Variants in PTPN13 observed in about 807,000 individuals in gnomAD.
PTPN13 encodes the protein protein tyrosine phosphatase non-receptor type 13.
A neutral mutation model predicts 284.0 loss-of-function variants in PTPN13; 191 were observed. The observed-to-expected ratio is 0.67, with a 90% CI of 0.60 to 0.76. PTPN13 has a LOEUF of 0.76. Among genes scored for constraint, PTPN13 ranks in the 30% least tolerant of loss-of-function variants. PTPN13 has a pLI of 0.00. For synonymous variants in PTPN13, 986 were observed against 1,022.3 expected, an observed-to-expected ratio of 0.96 and a Z score of 0.68; for missense variants, 2,797 against 2,939.9, an observed-to-expected ratio of 0.95 and a Z score of 1.12.
intron 7 of PTPN13, among the ~76,000 whole-genome samples, chr4:86,711,967 C>A (rs1003356728): frequency 5.3e-5 from 8 of 152,196 alleles, no homozygotes; most frequent in Admixed American, 3.3e-4. Flanking sequence ...TATGTAGAAG[C>A]ATCTTTTTGG....
intron 44 of PTPN13, among the ~76,000 whole-genome samples, chr4:86,805,966 G>C (rs537747831): frequency 2.0e-5 from 3 of 152,026 alleles, no homozygotes; most frequent in Admixed American, 2.0e-4. Flanking sequence ...GACTAGCCTG[G>C]CCAACATGGT....
At chr4:86,727,707 C>T (rs1432791900) in intron 10 of PTPN13, among the ~76,000 whole-genome samples, 13 of 148,898 alleles carry the variant, frequency 8.7e-5, no homozygotes, top group African/African-American at 2.2e-4. Flanking sequence ...TCTCTCTTTT[C>T]TTCTTTATTA....
At chr4:86,629,675 C>A (rs1367865162) in intron 1 of PTPN13, among the ~76,000 whole-genome samples, 1 of 152,054 alleles carries the variant, frequency 6.6e-6, no homozygotes, top group East Asian at 1.9e-4. Context: ...TTTTTAATGG[C>A]CTTCAAGACC....
intron 47 of PTPN13, among the ~76,000 whole-genome samples, chr4:86,811,785 C>G (rs1262867807): frequency 6.6e-6 from 1 of 152,212 alleles, no homozygotes; most frequent in Admixed American, 6.5e-5. Flanking sequence ...TAACATTTCT[C>G]TACCTCTTGA....
At chr4:86,784,357 A>G (rs1203091012) in intron 37 of PTPN13, 108 bp from the exon 38 acceptor site, 1 of 700,082 alleles carries the variant, frequency 1.4e-6, no homozygotes. Context: ...GAGAGATGTA[A>G]AATGGATCTT....
chr4:86,745,021 C>T lies in PTPN13; in HGVS notation c.2543C>T (p.Thr848Ile), dbSNP rs760031026. 2.3e-5 allele frequency: 37 copies of T among 1,604,438 alleles called. No homozygotes were observed. The Admixed American group carries it at 6.3e-4, about 27-fold the overall frequency. Residue 848 changes from threonine (T) to isoleucine (I), a missense_variant, in exon 17 of 48, where the codon ACA becomes ATA. By Grantham distance (89) the Thr-to-Ile change is moderately conservative. Coordinates refer to ENST00000411767, the MANE Select transcript of PTPN13 (RefSeq NM_080683.3). ...TSDGIKHGFQ[T>I]DNSKICQYLL... ...GATGGAATAAAACATGGCTTCCAGA[C>T]AGACAACAGTAAGATATGCCAGTAC...
At chr4:86,780,289 C>T in intron 35 of PTPN13, 113 bp from the exon 36 acceptor site, 2 of 827,918 alleles carry the variant, frequency 2.4e-6, no homozygotes, top group Non-Finnish European at 2.0e-6. Flanking sequence ...GGTCCCAGCT[C>T]CTTGGGAGGC....
chr4:86,781,221 C>T (rs1192217475), intron 36 of PTPN13, among the ~76,000 whole-genome samples: 1 of 152,064 alleles, frequency 6.6e-6, no homozygotes, highest in Non-Finnish European at 1.5e-5. Flanking sequence ...CAGGGTCATT[C>T]CCAAATAGAG....
chr4:86,740,010 C>T (rs995671939), intron 15 of PTPN13, among the ~76,000 whole-genome samples: 1 of 152,232 alleles, frequency 6.6e-6, no homozygotes, highest in African/African-American at 2.4e-5. Flanking sequence ...AGGTCTTGGG[C>T]AGCTCTGCCC....
chr4:86,748,261 T>C (rs1736999347), intron 17 of PTPN13, among the ~76,000 whole-genome samples: 1 of 152,196 alleles, frequency 6.6e-6, no homozygotes, highest in Non-Finnish European at 1.5e-5. Flanking sequence ...AGTGTGGAGC[T>C]AGCGAGCCTT....
intron 35 of PTPN13, among the ~76,000 whole-genome samples, chr4:86,779,778 A>T (rs1283744638): frequency 6.6e-6 from 1 of 152,124 alleles, no homozygotes; most frequent in East Asian, 1.9e-4. Flanking sequence ...ATTGCATACT[A>T]ATCTTCTATT....
chr4:86,674,019 T>C (rs961987714), intron 3 of PTPN13, among the ~76,000 whole-genome samples: 1 of 152,176 alleles, frequency 6.6e-6, no homozygotes, highest in African/African-American at 2.4e-5. Flanking sequence ...GGAGTTTTAA[T>C]ACTCTGTGGA....
chr4:86,682,547 AC>A (rs1412308901), intron 3 of PTPN13, among the ~76,000 whole-genome samples: 1 of 152,140 alleles, frequency 6.6e-6, no homozygotes, highest in Non-Finnish European at 1.5e-5. Context: ...TACGTAAAAC[AC>A]AAAGGAAAAT....
At chr4:86,640,765 G>T (rs181219878) in intron 2 of PTPN13, among the ~76,000 whole-genome samples, 45 of 152,224 alleles carry the variant, frequency 3.0e-4, no homozygotes, top group Middle Eastern at 6.8e-3. Context: ...GAATATAAAG[G>T]TGTTGTCACT....
intron 7 of PTPN13, among the ~76,000 whole-genome samples, chr4:86,711,792 G>A (rs563625048): frequency 6.6e-6 from 1 of 152,260 alleles, no homozygotes; most frequent in East Asian, 1.9e-4. Flanking sequence ...AATAAATTCA[G>A]TCTGACACCT....
intron 20 of PTPN13, among the ~76,000 whole-genome samples, chr4:86,753,420 A>G (rs1023715301): frequency 4.6e-5 from 7 of 152,104 alleles, no homozygotes; most frequent in Non-Finnish European, 5.9e-5. Flanking sequence ...GGAACAATAA[A>G]GATAAGCATT....
At chr4:86,755,135 A>C (rs1263108198) in intron 20 of PTPN13, among the ~76,000 whole-genome samples, 1 of 152,108 alleles carries the variant, frequency 6.6e-6, no homozygotes. Context: ...AAAATTATAA[A>C]TGGACATCAG....
chr4:86,790,698 C>T (rs1271035646), intron 40 of PTPN13, among the ~76,000 whole-genome samples: 1 of 152,062 alleles, frequency 6.6e-6, no homozygotes, highest in Non-Finnish European at 1.5e-5. Flanking sequence ...TTTTGAAGAA[C>T]TGAAAGACCC....
intron 47 of PTPN13, among the ~76,000 whole-genome samples, chr4:86,811,558 A>C (rs1482591977): frequency 6.6e-6 from 1 of 152,338 alleles, no homozygotes; most frequent in East Asian, 1.9e-4. Flanking sequence ...TCAAGAAGAC[A>C]TTCTGTAAGG....
Sources: allele counts gnomAD v4.1 joint callset (sites outside exome capture counted in the v4.1 genomes callset), GRCh38; gene constraint gnomAD v4.1.1; transcripts MANE v1.5; gene names NCBI Gene and HGNC (gene_info 2026-07-23, HGNC 2026-07-21).